RPS6KC1: variants seen among roughly 807,000 people sequenced by gnomAD.
RPS6KC1 encodes the protein inactive ribosomal protein S6 kinase delta-1.
Under a neutral mutation model 103.8 loss-of-function variants are expected in RPS6KC1, and 54 were observed. The ratio of observed to expected loss-of-function variants is 0.52; its 90% CI spans 0.42 to 0.65. The LOEUF (loss-of-function observed/expected upper bound fraction) is 0.65, where lower values mean the gene tolerates loss of function less well. RPS6KC1 is among the 30% of genes least tolerant of loss of function. RPS6KC1 has a pLI of 0.00. For synonymous variants in RPS6KC1, 439 were observed against 438.7 expected, an observed-to-expected ratio of 1.00 and a Z score of -0.01; for missense variants, 1,151 against 1,253.8, an observed-to-expected ratio of 0.92 and a Z score of 1.24.
the RPS6KC1 span, among the ~76,000 whole-genome samples, chr1:213,856,528 CCTCCATTTCCTTT>C: frequency 2.8e-5 from 4 of 144,444 alleles, no homozygotes; most frequent in Non-Finnish European, 6.1e-5. Context: ...TTTCTTCCTT[CCTCCATTTCCTTT>C]CTCCATTCCT....
chr1:213,288,365 TAAATC>T, the RPS6KC1 span, among the ~76,000 whole-genome samples: 1 of 152,214 alleles, frequency 6.6e-6, no homozygotes, highest in Non-Finnish European at 1.5e-5. Context: ...TTCAGGTACA[TAAATC>T]TAACTCACAT....
the RPS6KC1 span, among the ~76,000 whole-genome samples, chr1:213,359,302 G>A: frequency 3.6e-3 from 554 of 152,134 alleles, 1 homozygote; most frequent in African/African-American, 9.9e-3. Context: ...TCCCTTTACC[G>A]TTATGTAATG....
chr1:213,603,686 C>T, the RPS6KC1 span, among the ~76,000 whole-genome samples: 1 of 151,800 alleles, frequency 6.6e-6, no homozygotes, highest in Admixed American at 6.6e-5. Context: ...TGGAGAAACC[C>T]TGTCTGTACT....
At chr1:213,303,972 G>A in the RPS6KC1 span, among the ~76,000 whole-genome samples, 2 of 151,686 alleles carry the variant, frequency 1.3e-5, no homozygotes, top group East Asian at 1.9e-4. Context: ...CTGGGAGGCC[G>A]AGGCAGGCGG....
chr1:213,423,147 C>A, the RPS6KC1 span, among the ~76,000 whole-genome samples: 1 of 152,218 alleles, frequency 6.6e-6, no homozygotes, highest in South Asian at 2.1e-4. Context: ...TTCCATCTGA[C>A]ACGAATGTCA....
chr1:213,564,834 T>G, the RPS6KC1 span, among the ~76,000 whole-genome samples: 1 of 152,230 alleles, frequency 6.6e-6, no homozygotes, highest in African/African-American at 2.4e-5. Context: ...TAGTTAACAA[T>G]TCACCGTAAT....
At chr1:213,736,906 G>T in the RPS6KC1 span, among the ~76,000 whole-genome samples, 2 of 152,324 alleles carry the variant, frequency 1.3e-5, no homozygotes, top group East Asian at 1.9e-4. Flanking sequence ...AAACCTAAAA[G>T]GTTTCATCCA....
At chr1:213,712,556 G>A in the RPS6KC1 span, among the ~76,000 whole-genome samples, 2 of 152,286 alleles carry the variant, frequency 1.3e-5, no homozygotes, top group East Asian at 1.9e-4. Context: ...AGGCACCACT[G>A]GGATATGAAA....
At chr1:213,064,725 T>C (rs1293791484) in intron 1 of RPS6KC1, among the ~76,000 whole-genome samples, 26 of 137,906 alleles carry the variant, frequency 1.9e-4, no homozygotes, top group Non-Finnish European at 1.7e-4. Flanking sequence ...TTGCCCAGGC[T>C]GGAGTGCAGT....
chr1:213,386,394 CTG>C, the RPS6KC1 span, among the ~76,000 whole-genome samples: 1 of 152,206 alleles, frequency 6.6e-6, no homozygotes, highest in Non-Finnish European at 1.5e-5. Flanking sequence ...GTTTCCTCAT[CTG>C]TGCAAAGTGG....
the RPS6KC1 span, among the ~76,000 whole-genome samples, chr1:213,599,541 T>C: frequency 6.6e-6 from 1 of 152,172 alleles, no homozygotes; most frequent in East Asian, 1.9e-4. Context: ...AATAATGGAA[T>C]GTTTGCCTTG....
the RPS6KC1 span, among the ~76,000 whole-genome samples, chr1:213,731,941 G>A: frequency 2.0e-5 from 3 of 147,916 alleles, no homozygotes; most frequent in South Asian, 6.6e-4. Context: ...AGAAAAACAA[G>A]TTACAAAATA....
At chr1:213,286,468 A>G in the RPS6KC1 span, among the ~76,000 whole-genome samples, 1 of 152,238 alleles carries the variant, frequency 6.6e-6, no homozygotes, top group East Asian at 1.9e-4. Context: ...TTGACCTTCA[A>G]AAATAATAAT....
At chr1:213,400,238 G>C in the RPS6KC1 span, among the ~76,000 whole-genome samples, 1 of 152,120 alleles carries the variant, frequency 6.6e-6, no homozygotes, top group Non-Finnish European at 1.5e-5. Context: ...TTGCCTGGGG[G>C]TTGAAGAGCT....
the RPS6KC1 span, among the ~76,000 whole-genome samples, chr1:213,699,145 T>C: frequency 1.3e-5 from 2 of 152,076 alleles, no homozygotes; most frequent in South Asian, 4.1e-4. Context: ...CATCGGGTCT[T>C]ATACATTTAT....
chr1:213,780,625 C>T, the RPS6KC1 span, among the ~76,000 whole-genome samples: 1 of 152,154 alleles, frequency 6.6e-6, no homozygotes, highest in Non-Finnish European at 1.5e-5. Context: ...CCAACCAGCA[C>T]CATGAAGGCT....
At chr1:213,184,287 G>C (rs192090118) in intron 8 of RPS6KC1, among the ~76,000 whole-genome samples, 1 of 151,958 alleles carries the variant, frequency 6.6e-6, no homozygotes, top group Non-Finnish European at 1.5e-5. Flanking sequence ...TTAGAAGAAA[G>C]AAAACTATAG....
chr1:213,807,416 C>T, the RPS6KC1 span, among the ~76,000 whole-genome samples: 1 of 152,208 alleles, frequency 6.6e-6, no homozygotes, highest in African/African-American at 2.4e-5. Context: ...TTCAGGTACA[C>T]CAATCAGACG....
chr1:213,456,641 A>G, the RPS6KC1 span, among the ~76,000 whole-genome samples: 2 of 152,234 alleles, frequency 1.3e-5, no homozygotes, highest in African/African-American at 4.8e-5. Flanking sequence ...CATGATTTAC[A>G]GATATACAGT....
Sources: gnomAD v4.1 joint callset for allele counts (sites outside exome capture counted in the v4.1 genomes callset) on GRCh38, gnomAD v4.1.1 for gene constraint, MANE v1.5 for transcripts, NCBI Gene and HGNC (gene_info 2026-07-23, HGNC 2026-07-21) for gene names.